NRG1: variants seen among roughly 807,000 people sequenced by gnomAD.
The protein encoded by NRG1 is neuregulin 1.
NRG1 carries 18 observed loss-of-function variants against 63.8 expected under a neutral mutation model. The observed-to-expected ratio is 0.28, with a 90% CI of 0.19 to 0.42. NRG1 has a LOEUF of 0.42. NRG1 is among the 10% of genes least tolerant of loss of function. The pLI is 1.00. For missense variants in NRG1, 762 were observed against 814.7 expected (o/e 0.94, Z 0.79); for synonymous variants, 302 against 301.3 (o/e 1.00, Z -0.02).
At chr8:31,799,541 G>T (rs903329971) in intron 1 of NRG1, among the ~76,000 whole-genome samples, 7 of 151,654 alleles carry the variant, frequency 4.6e-5, no homozygotes, top group Non-Finnish European at 1.0e-4. Flanking sequence ...TTAACATGTT[G>T]GTATATTTCT....
chr8:31,645,893 TTTC>T (rs1203004937), intron 1 of NRG1, among the ~76,000 whole-genome samples: 1 of 152,152 alleles, frequency 6.6e-6, no homozygotes, highest in East Asian at 1.9e-4. Context: ...TGTTTTTTCT[TTTC>T]TTCTTCTTTA....
At chr8:32,748,151 G>T (rs60871816) in intron 7 of NRG1, among the ~76,000 whole-genome samples, 6,948 of 151,922 alleles carry the variant, frequency 0.046, 553 homozygotes, top group African/African-American at 0.16. Flanking sequence ...GCAAGTTTTT[G>T]TAAGAGAAAC....
At chr8:32,106,625 T>A (rs1831295208) in intron 1 of NRG1, among the ~76,000 whole-genome samples, 1 of 152,184 alleles carries the variant, frequency 6.6e-6, no homozygotes, top group Non-Finnish European at 1.5e-5. Flanking sequence ...GTTACAGAGA[T>A]CTCTTTGGTA....
chr8:31,958,148 C>T (rs909376827), intron 1 of NRG1, among the ~76,000 whole-genome samples: 2 of 151,808 alleles, frequency 1.3e-5, no homozygotes, highest in Non-Finnish European at 2.9e-5. Context: ...GTTTGTATCT[C>T]TAAGTACATG....
At chr8:32,188,351 A>G (rs4733307) in intron 1 of NRG1, among the ~76,000 whole-genome samples, 52,014 of 152,056 alleles carry the variant, frequency 0.34, 11,441 homozygotes, top group African/African-American at 0.63. Flanking sequence ...ACAGGCGTGA[A>G]CCACTACGCC....
chr8:32,409,758 T>C (rs1486785184), intron 1 of NRG1, among the ~76,000 whole-genome samples: 2 of 152,218 alleles, frequency 1.3e-5, no homozygotes, highest in Non-Finnish European at 2.9e-5. Flanking sequence ...TCTCTCTTTT[T>C]CTCTCTGTTT....
At position 32,337,653 on chromosome 8, in the gene NRG1, C is replaced by CGAAAAAAAAAAAAAAAAAAAAAAAAAAA. The variant is rs1803452831; in HGVS notation, c.38-258175_38-258174insGAAAAAAAAAAAAAAAAAAAAAAAAAAA. 1.6e-4 allele frequency among the ~76,000 whole-genome samples: 4 copies of CGAAAAAAAAAAAAAAAAAAAAAAAAAAA among 24,704 alleles called. 1 individual carries two copies. Among genetic ancestry groups the CGAAAAAAAAAAAAAAAAAAAAAAAAAAA allele is most frequent in the African/African-American group, 5.9e-4 (4 of 6,790 alleles). 16.2% of individuals were successfully genotyped at this position (24,704 alleles called of 152,430 possible). On this transcript the variant is annotated intron_variant, in intron 1 of 10. Transcript: ENST00000519301. The stretch of plus-strand genomic sequence containing the variant: ...GCTGAAGGAACAAAAAGAGTTATTG[C>CGAAAAAAAAAAAAAAAAAAAAAAAAAAA]AAAAAAAAAAAAAAAAAAAAAAAAA...
intron 7 of NRG1, among the ~76,000 whole-genome samples, chr8:32,748,358 C>CACACAGAGAGAGAGAGAGAGAGAG (rs748763782): frequency 5.7e-5 from 7 of 122,010 alleles, no homozygotes; most frequent in East Asian, 2.4e-4. Context: ...CACACACACA[C>CACACAGAGAGAGAGAGAGAGAGAG]AGAGAGAGAG....
chr8:32,584,431 A>G (rs1028288293), intron 1 of NRG1, among the ~76,000 whole-genome samples: 2 of 152,178 alleles, frequency 1.3e-5, no homozygotes, highest in African/African-American at 4.8e-5. Context: ...TAGAAAGTCA[A>G]ATGTGGACCC....
chr8:32,608,103 T>TG (rs1387297719), intron 3 of NRG1, among the ~76,000 whole-genome samples: 5 of 126,680 alleles, frequency 3.9e-5, no homozygotes, highest in South Asian at 2.4e-4. Flanking sequence ...TTTTTTTTTT[T>TG]TTTGTTTTTT....
At chr8:32,429,942 T>C (rs923338260) in intron 1 of NRG1, among the ~76,000 whole-genome samples, 3 of 152,224 alleles carry the variant, frequency 2.0e-5, no homozygotes, top group Admixed American at 2.0e-4. Context: ...TTTTGCTTTT[T>C]CTAATCTTAT....
chr8:32,733,956 G>A (rs890707997), intron 6 of NRG1, among the ~76,000 whole-genome samples: 4 of 152,166 alleles, frequency 2.6e-5, no homozygotes, highest in African/African-American at 9.7e-5. Flanking sequence ...ATTCTAGGAA[G>A]TAAAACAAAC....
At chr8:31,788,506 AG>A (rs1820391794) in intron 1 of NRG1, among the ~76,000 whole-genome samples, 1 of 152,180 alleles carries the variant, frequency 6.6e-6, no homozygotes, top group South Asian at 2.1e-4. Flanking sequence ...ATGGAAGCAA[AG>A]AACAGTACCC....
chr8:32,288,968 C>T (rs1159637981), intron 1 of NRG1, among the ~76,000 whole-genome samples: 1 of 152,150 alleles, frequency 6.6e-6, no homozygotes, highest in Non-Finnish European at 1.5e-5. Flanking sequence ...CCAATTCTCA[C>T]TAGGACAAAT....
intron 1 of NRG1, among the ~76,000 whole-genome samples, chr8:32,210,500 C>T (rs76454860): frequency 0.042 from 6,399 of 152,272 alleles, 200 homozygotes; most frequent in Middle Eastern, 0.092. Context: ...ACTTTGAGAA[C>T]CGCTTTTGTA....
At chr8:31,770,545 C>T (rs1398988304) in intron 1 of NRG1, among the ~76,000 whole-genome samples, 1 of 150,500 alleles carries the variant, frequency 6.6e-6, no homozygotes, top group Non-Finnish European at 1.5e-5. Flanking sequence ...CATGTTCTCA[C>T]TCATAGGTGG....
intron 1 of NRG1, among the ~76,000 whole-genome samples, chr8:32,197,207 C>T (rs577266858): frequency 6.6e-6 from 1 of 152,012 alleles, no homozygotes; most frequent in South Asian, 2.1e-4. Context: ...GGTGATCTGC[C>T]CGCCTCGGCC....
rs757952138 is a variant in NRG1, at chr8:31,956,757, C to T, written c.37+317326C>T. Among the ~76,000 whole-genome samples the T allele has an allele frequency of 7.0e-4, 106 of 152,236 alleles. 2 individuals are homozygous for T. The highest frequency in any genetic ancestry group is 3.2e-4 in the Non-Finnish European group (22 of 68,040). On this transcript the variant is annotated intron_variant, in intron 1 of 10. Coordinates refer to the NRG1 transcript ENST00000519301. ...GCAGAACTGGGATTTGAACCCAAAT[C>T]TCTATGACATAGGTCCCCATACATT...
chr8:32,289,695 G>T (rs1853964032), intron 1 of NRG1, among the ~76,000 whole-genome samples: 1 of 151,996 alleles, frequency 6.6e-6, no homozygotes, highest in African/African-American at 2.4e-5. Context: ...TTAATTTTAA[G>T]TACTTTAGCT....
Sources: gnomAD v4.1 joint callset for allele counts (sites outside exome capture counted in the v4.1 genomes callset) on GRCh38, gnomAD v4.1.1 for gene constraint, MANE v1.5 for transcripts, NCBI Gene and HGNC (gene_info 2026-07-23, HGNC 2026-07-21) for gene names.